Variants in WIPI2 observed in about 807,000 individuals in gnomAD.
The protein encoded by WIPI2 is WD repeat domain, phosphoinositide interacting 2, also known as WD repeat domain phosphoinositide-interacting protein 2.
A neutral mutation model predicts 52.3 loss-of-function variants in WIPI2; 28 were observed. The observed-to-expected ratio is 0.54, with a 90% CI of 0.40 to 0.73. WIPI2 has a LOEUF of 0.73. Ranked by LOEUF, WIPI2 falls within the 30% of genes least tolerant of loss-of-function variation. The pLI, the probability that WIPI2 is intolerant of heterozygous loss-of-function variation, is 0.00. For missense variants in WIPI2, 506 were observed against 602.9 expected, an observed-to-expected ratio of 0.84 and a Z score of 1.68; for synonymous variants, 268 against 245.0, an observed-to-expected ratio of 1.09 and a Z score of -0.88.
chr7:5,225,152 A>C (rs1333003050), intron 8 of WIPI2, among the ~76,000 whole-genome samples: 1 of 151,066 alleles, frequency 6.6e-6, no homozygotes, highest in Admixed American at 6.6e-5. Flanking sequence ...TTTTTTTTTA[A>C]ATAATTGAGA....
Position 5,228,096 on chromosome 7 carries a change from C to T in WIPI2, c.1014-8C>T. On this transcript the variant is annotated splice_region_variant and splice_polypyrimidine_tract_variant and intron_variant, in intron 10 of 12. Coordinates refer to ENST00000288828, the MANE Select transcript of WIPI2 (RefSeq NM_015610.4). ...GTCTAGAATTTGGCTGCTCTTTATT[C>T]TCCCTAGAATTCAGAAGATCCCGCG... 6.2e-7 allele frequency: 1 copy of T among 1,613,648 alleles called. No homozygotes were observed. The highest frequency in any genetic ancestry group is 8.5e-7 in the Non-Finnish European group (1 of 1,179,836).
Position 5,214,642 on chromosome 7 carries a change from G to T in WIPI2, c.319G>T (p.Gly107Ter). 1 of 1,614,230 alleles carries T rather than the reference G, an allele frequency of 6.2e-7. No individual in the cohort carries two copies. Among genetic ancestry groups the T allele is most frequent in the Non-Finnish European group, 8.5e-7 (1 of 1,180,046 alleles). ...RKLKVCHFKK[G>*]TEICNYSYSN... ...GCTAAAGGTTTGCCACTTTAAGAAGGGAACTGAGATCTGCAACTACAGCTA... is the reference window on the plus strand; with the variant it reads ...GCTAAAGGTTTGCCACTTTAAGAAGTGAACTGAGATCTGCAACTACAGCTA... Residue 107 changes from glycine (G) to a stop codon, truncating the protein, a stop_gained, in exon 4 of 13, where the codon GGA becomes TGA. Transcript: ENST00000288828. LOFTEE classifies it high-confidence loss of function.
chr7:5,230,067 C>T lies in WIPI2; in HGVS notation c.1252+329C>T, dbSNP rs774580825. On this transcript the variant is annotated intron_variant, in intron 12 of 12. Coordinates refer to ENST00000288828, the MANE Select transcript of WIPI2 (RefSeq NM_015610.4). The surrounding 1 kb of genome is among the most constrained non-coding windows in gnomAD (Gnocchi z 4.8). Reference sequence around the variant, plus strand: ...GGATTATAGGCATGAGCCACCGTACCAGGCTCATTTTCTCCGTTTTTAAAG... The same window carrying T: ...GGATTATAGGCATGAGCCACCGTACTAGGCTCATTTTCTCCGTTTTTAAAG... 1.3e-5 allele frequency among the ~76,000 whole-genome samples: 2 copies of T among 152,022 alleles called. No homozygotes were observed. Among genetic ancestry groups the T allele is most frequent in the Non-Finnish European group, 2.9e-5 (2 of 68,006 alleles).
intron 7 of WIPI2, among the ~76,000 whole-genome samples, chr7:5,220,712 G>A (rs1783077341): frequency 6.6e-6 from 1 of 152,100 alleles, no homozygotes; most frequent in African/African-American, 2.4e-5. Flanking sequence ...CTGGACTCTA[G>A]TGTTTCTCCT....
At chr7:5,222,564 C>A in intron 7 of WIPI2, 38 bp from the exon 8 acceptor site, 3 of 1,596,218 alleles carry the variant, frequency 1.9e-6, no homozygotes, top group Non-Finnish European at 2.6e-6. Flanking sequence ...CCTGTTTTAA[C>A]TCAGCTCAAA....
Position 5,193,143 on chromosome 7 carries a change from G to A in WIPI2, c.100G>A (p.Ala34Thr). The change falls in exon 2 of 13, where the codon GCT (alanine) becomes ACT (threonine). Residue 34 changes from alanine to threonine, a missense_variant. Physicochemically the swap from Ala to Thr is moderately conservative, Grantham distance 58. Transcript: ENST00000288828. ...AGAAGTGAAAGGGGCATCAAGAGCA[G>A]CTGGTCTTGGCCGTCGCGCTGTTGT... ...NTEVKGASRA[A>T]GLGRRAVVWS... 2 of 1,614,024 alleles carry A rather than the reference G, an allele frequency of 1.2e-6. No individual in the cohort carries two copies. The highest frequency in any genetic ancestry group is 1.1e-5 in the South Asian group (1 of 91,068).
chr7:5,207,768 CTTTTT>C (rs35296190), intron 3 of WIPI2, among the ~76,000 whole-genome samples: 1 of 107,290 alleles, frequency 9.3e-6, no homozygotes, highest in African/African-American at 3.6e-5. Context: ...TCCTCACTAA[CTTTTT>C]TTTTTTTTTT....
intron 8 of WIPI2, among the ~76,000 whole-genome samples, chr7:5,224,792 A>C (rs537082753): frequency 1.4e-4 from 22 of 152,306 alleles, no homozygotes; most frequent in African/African-American, 5.3e-4. Context: ...AATTCAGCCT[A>C]TGCCCGGGGA....
In WIPI2 at chr7:5,232,895, C is replaced by G. The variant is rs1448900566; in HGVS notation, c.*1948C>G. 2 of 152,350 alleles carry G rather than the reference C, an allele frequency of 1.3e-5. No homozygotes were observed. Among genetic ancestry groups the G allele is most frequent in the East Asian group, 3.8e-4 (2 of 5,208 alleles). The allele number at this position is 152,350 out of a possible 1,614,324, so 9.4% of individuals were successfully genotyped here. On this transcript the variant is annotated 3_prime_UTR_variant, in exon 13 of 13. Transcript: ENST00000288828. ...GACTCAAATTTCCTTTGCCAGGTCT[C>G]TTTTGTCTTTCTTTGGGATTGGTAG...
At chr7:5,198,610 G>A (rs982930410) in intron 2 of WIPI2, among the ~76,000 whole-genome samples, 2 of 152,030 alleles carry the variant, frequency 1.3e-5, no homozygotes, top group Non-Finnish European at 1.5e-5. Flanking sequence ...CACCACACCT[G>A]GCCAGCTTAC....
At chr7:5,202,478 G>A (rs1033989188) in intron 3 of WIPI2, among the ~76,000 whole-genome samples, 1 of 152,064 alleles carries the variant, frequency 6.6e-6, no homozygotes, top group African/African-American at 2.4e-5. Flanking sequence ...TGACCTCCTG[G>A]GCTCAAGCGA....
chr7:5,229,608 G>T lies in WIPI2; in HGVS notation c.1122G>T (p.Arg374=). The part of the protein sequence containing the change: ...GGECALMKQH[R]LDGSLETTNE... ...AGCTGTGTCGCTTTCTTCCCTCCAG[G>T]CTGGACGGCAGTCTGGAAACGACCA... Residue 374 remains arginine, a splice_region_variant and synonymous_variant, in exon 12 of 13, where the codon CGG becomes CGT. Coordinates refer to ENST00000288828, the MANE Select transcript of WIPI2 (RefSeq NM_015610.4). 6.2e-7 allele frequency: 1 copy of T among 1,612,692 alleles called. No individual in the cohort carries two copies.
At chr7:5,214,065 C>T in intron 3 of WIPI2, 1 of 240,398 alleles carries the variant, frequency 4.2e-6, no homozygotes, top group Non-Finnish European at 8.2e-6. Context: ...AAATATGTGT[C>T]ATGCCACTTT....
intron 3 of WIPI2, among the ~76,000 whole-genome samples, chr7:5,208,018 G>C (rs939555697): frequency 6.6e-6 from 1 of 152,068 alleles, no homozygotes; most frequent in Non-Finnish European, 1.5e-5. Context: ...CGGCCATCTC[G>C]ACCTCCCAAA....
At chr7:5,214,340 G>T (rs1782704954) in intron 3 of WIPI2, 195 bp from the exon 4 acceptor site, 1 of 1,578,766 alleles carries the variant, frequency 6.3e-7, no homozygotes. Flanking sequence ...GAGTGGAAAT[G>T]CTCCTGAGGC....
intron 2 of WIPI2, among the ~76,000 whole-genome samples, chr7:5,194,368 AGAT>A (rs1781638800): frequency 6.6e-6 from 1 of 152,188 alleles, no homozygotes; most frequent in Non-Finnish European, 1.5e-5. Flanking sequence ...TTCTCCGCAA[AGAT>A]GATGAAGAAG....
At chr7:5,216,794 G>A in intron 5 of WIPI2, 135 bp downstream of exon 5, 1 of 865,892 alleles carries the variant, frequency 1.2e-6, no homozygotes, top group Middle Eastern at 2.3e-4. Flanking sequence ...CCCAAACCAA[G>A]CTGCCTTCCT....
At chr7:5,203,597 A>G (rs1223921928) in intron 3 of WIPI2, among the ~76,000 whole-genome samples, 4 of 142,346 alleles carry the variant, frequency 2.8e-5, no homozygotes, top group Non-Finnish European at 6.1e-5. Flanking sequence ...CTCCAGTGGG[A>G]TGGAAGTCAC....
chr7:5,221,578 C>T (rs1187985968), intron 7 of WIPI2, among the ~76,000 whole-genome samples: 1 of 152,146 alleles, frequency 6.6e-6, no homozygotes, highest in Non-Finnish European at 1.5e-5. Flanking sequence ...AATATTAAAG[C>T]ATTCAAAGTC....
Sources: allele counts gnomAD v4.1 joint callset (sites outside exome capture counted in the v4.1 genomes callset), GRCh38; gene constraint gnomAD v4.1.1; non-coding constraint Gnocchi (gnomAD v3.1); transcripts MANE v1.5; gene names NCBI Gene and HGNC (gene_info 2026-07-23, HGNC 2026-07-21).